The following DCAF8L2 variants were observed in gnomAD, a reference collection of about 807,000 sequenced individuals.
DCAF8L2 encodes DDB1- and CUL4-associated factor 8-like protein 2.
For missense variants in DCAF8L2, 430 were observed against 490.7 expected, an observed-to-expected ratio of 0.88 and a Z score of 1.17; for synonymous variants, 200 against 190.9, an observed-to-expected ratio of 1.05 and a Z score of -0.39.
chrX:27,546,254 A>G, the DCAF8L2 span, among the ~76,000 whole-genome samples: 61 of 111,988 alleles, frequency 5.4e-4, no homozygotes, highest in Non-Finnish European at 1.1e-4. Flanking sequence ...CATGTCTCAC[A>G]TCCAGTTAAT....
the DCAF8L2 span, among the ~76,000 whole-genome samples, chrX:27,535,608 C>T: frequency 8.9e-6 from 1 of 111,783 alleles, no homozygotes; most frequent in African/African-American, 3.3e-5. Flanking sequence ...GTCCTACTCT[C>T]ACCCCTCCTC....
At chrX:27,590,569 C>T (rs967288536) in intron 1 of DCAF8L2, 129 bp downstream of exon 1, 4 of 111,304 alleles carry the variant, frequency 3.6e-5, no homozygotes, top group Admixed American at 9.6e-5. Context: ...TTAAATAATA[C>T]TGAGCGGAAA....
At chrX:27,699,807 G>C (rs1252284942) in intron 3 of DCAF8L2, among the ~76,000 whole-genome samples, 1 of 111,252 alleles carries the variant, frequency 9.0e-6, no homozygotes, top group Admixed American at 9.6e-5. Flanking sequence ...TAGAAGGATT[G>C]CTTGAGGCCA....
intron 1 of DCAF8L2, among the ~76,000 whole-genome samples, chrX:27,624,027 A>G (rs1355349945): frequency 8.9e-6 from 1 of 112,046 alleles, no homozygotes; most frequent in East Asian, 2.8e-4. Context: ...ATTATTTTCT[A>G]AGATTTACAG....
At chrX:27,636,938 T>C (rs1364102817) in intron 2 of DCAF8L2, among the ~76,000 whole-genome samples, 1 of 111,708 alleles carries the variant, frequency 9.0e-6, no homozygotes, top group African/African-American at 3.3e-5. Flanking sequence ...TATCTGAGTA[T>C]TGATTTCCAT....
chrX:27,523,955 A>G, the DCAF8L2 span, among the ~76,000 whole-genome samples: 39 of 111,823 alleles, frequency 3.5e-4, 1 homozygote, highest in African/African-American at 1.1e-3. Flanking sequence ...GGATTTCTGC[A>G]TCGATGTTCA....
chrX:27,575,269 GTCT>G, the DCAF8L2 span, among the ~76,000 whole-genome samples: 2 of 111,341 alleles, frequency 1.8e-5, no homozygotes, highest in Admixed American at 9.5e-5. Flanking sequence ...AGCCATTTGT[GTCT>G]TCTTCCGCTG....
intron 3 of DCAF8L2, among the ~76,000 whole-genome samples, chrX:27,686,672 C>T (rs1219234434): frequency 9.0e-6 from 1 of 111,168 alleles, no homozygotes; most frequent in African/African-American, 3.3e-5. Context: ...GAGTAGGGGT[C>T]CTATAGTTAA....
At chrX:27,577,484 A>G in the DCAF8L2 span, among the ~76,000 whole-genome samples, 1 of 112,145 alleles carries the variant, frequency 8.9e-6, no homozygotes. Context: ...TACATAATAT[A>G]ATAAAAACAT....
At chrX:27,547,807 G>A in the DCAF8L2 span, among the ~76,000 whole-genome samples, 10,251 of 104,223 alleles carry the variant, frequency 0.098, 429 homozygotes, top group Middle Eastern at 0.12. Flanking sequence ...AATTGTGTGG[G>A]ACTTCCCCAT....
intron 1 of DCAF8L2, among the ~76,000 whole-genome samples, chrX:27,595,844 C>T (rs1165215951): frequency 9.6e-6 from 1 of 104,411 alleles, no homozygotes; most frequent in Non-Finnish European, 2.0e-5. Flanking sequence ...ACCATCTCTA[C>T]TGAAACAAAC....
At position 27,658,550 on chromosome X, in the gene DCAF8L2, C is replaced by G. The variant is rs1016153527; in HGVS notation, c.-219-19286C>G. ...TGAATCTCACACTTGGTCCACTTCCCCTATCTCACACCAAAAGCATTTCAG... is the reference window on the plus strand; with the variant it reads ...TGAATCTCACACTTGGTCCACTTCCGCTATCTCACACCAAAAGCATTTCAG... On this transcript the variant is annotated intron_variant, in intron 2 of 4. Transcript: ENST00000451261. Among the ~76,000 whole-genome samples, 3 of 112,057 alleles carry G rather than the reference C, an allele frequency of 2.7e-5. No individual in the cohort carries two copies. The South Asian group carries it at 1.1e-3, about 41-fold the overall frequency.
chrX:27,580,185 G>A, the DCAF8L2 span, among the ~76,000 whole-genome samples: 1 of 110,303 alleles, frequency 9.1e-6, no homozygotes. Flanking sequence ...ATTATGGCTT[G>A]TTAGATTTAA....
the DCAF8L2 span, among the ~76,000 whole-genome samples, chrX:27,531,535 G>A: frequency 1.8e-5 from 2 of 110,110 alleles, no homozygotes; most frequent in Non-Finnish European, 3.8e-5. Context: ...ATAAAAATTG[G>A]AAATATAAAA....
At chrX:27,565,855 G>A in the DCAF8L2 span, among the ~76,000 whole-genome samples, 5 of 110,690 alleles carry the variant, frequency 4.5e-5, no homozygotes, top group African/African-American at 1.6e-4. Flanking sequence ...TGAGGGACTT[G>A]GTGGGGCCGG....
intron 1 of DCAF8L2, among the ~76,000 whole-genome samples, chrX:27,608,667 C>T (rs1429342173): frequency 9.1e-6 from 1 of 110,414 alleles, no homozygotes; most frequent in Non-Finnish European, 1.9e-5. Flanking sequence ...TTCTGCGTCT[C>T]TATCTTCTTC....
intron 2 of DCAF8L2, among the ~76,000 whole-genome samples, chrX:27,654,710 A>C (rs1454502038): frequency 9.0e-6 from 1 of 111,699 alleles, no homozygotes; most frequent in African/African-American, 3.2e-5. Context: ...CTACAGAAAA[A>C]AATTTAAAAT....
chrX:27,523,967 C>A, the DCAF8L2 span, among the ~76,000 whole-genome samples: 1 of 111,747 alleles, frequency 8.9e-6, no homozygotes. Flanking sequence ...CGATGTTCAT[C>A]AGGGATATTG....
chrX:27,587,988 ATAT>A (rs1569152521), upstream of DCAF8L2, among the ~76,000 whole-genome samples: 363 of 13,231 alleles, frequency 0.027, 5 homozygotes, highest in African/African-American at 0.048. Context: ...AAAAAAAAAT[ATAT>A]ATATATATAT....
Sources: allele counts gnomAD v4.1 joint callset (sites outside exome capture counted in the v4.1 genomes callset), GRCh38; gene constraint gnomAD v4.1.1; transcripts MANE v1.5; gene names NCBI Gene and HGNC (gene_info 2026-07-23, HGNC 2026-07-21).